L3MBTL4: variants seen among roughly 807,000 people sequenced by gnomAD.
L3MBTL4 encodes lethal(3)malignant brain tumor-like protein 4.
Under a neutral mutation model 84.5 loss-of-function variants are expected in L3MBTL4, and 70 were observed. That is an observed-to-expected ratio of 0.83 (90% CI 0.68 to 1.01). L3MBTL4 has a LOEUF of 1.01. Among genes scored for constraint, L3MBTL4 ranks in the 50% least tolerant of loss-of-function variants. L3MBTL4 has a pLI of 0.00. For missense variants in L3MBTL4, 715 were observed against 754.8 expected, an observed-to-expected ratio of 0.95 and a Z score of 0.62; for synonymous variants, 274 against 259.8, an observed-to-expected ratio of 1.05 and a Z score of -0.52.
intron 1 of L3MBTL4, among the ~76,000 whole-genome samples, chr18:6,345,072 T>A (rs8096953): frequency 4.6e-5 from 7 of 151,634 alleles, no homozygotes; most frequent in African/African-American, 7.3e-5. Context: ...ACATGTCTTA[T>A]ATATAGAAAA....
intron 16 of L3MBTL4, among the ~76,000 whole-genome samples, chr18:6,066,538 G>A (rs537009626): frequency 6.6e-6 from 1 of 152,208 alleles, no homozygotes. Context: ...GAGCTCTAGG[G>A]TTAGGTGCAT....
chr18:6,373,927 G>C (rs927468944), intron 1 of L3MBTL4, among the ~76,000 whole-genome samples: 3 of 152,056 alleles, frequency 2.0e-5, no homozygotes, highest in Non-Finnish European at 4.4e-5. Context: ...CTAAATTATT[G>C]GGGTTTTTTT....
chr18:6,126,193 T>C (rs1043591210), intron 14 of L3MBTL4, among the ~76,000 whole-genome samples: 1 of 152,216 alleles, frequency 6.6e-6, no homozygotes, highest in South Asian at 2.1e-4. Flanking sequence ...TATGGGACTA[T>C]AAGTGGTTTT....
chr18:6,156,795 G>C (rs2043123623), intron 13 of L3MBTL4, among the ~76,000 whole-genome samples: 1 of 152,178 alleles, frequency 6.6e-6, no homozygotes. Context: ...ACAGAGCTGT[G>C]CTTTATTTAA....
At chr18:6,002,562 C>A (rs759249096) in intron 16 of L3MBTL4, among the ~76,000 whole-genome samples, 1 of 151,962 alleles carries the variant, frequency 6.6e-6, no homozygotes, top group Non-Finnish European at 1.5e-5. Flanking sequence ...GAGAATGGAG[C>A]TATATAGGAG....
At chr18:6,384,072 T>C (rs1167960358) in intron 1 of L3MBTL4, among the ~76,000 whole-genome samples, 1 of 152,156 alleles carries the variant, frequency 6.6e-6, no homozygotes, top group Non-Finnish European at 1.5e-5. Context: ...TCCTTTGTAA[T>C]GGTGATGTTC....
At chr18:6,381,544 C>A (rs2054595426) in intron 1 of L3MBTL4, among the ~76,000 whole-genome samples, 2 of 152,212 alleles carry the variant, frequency 1.3e-5, no homozygotes, top group South Asian at 4.1e-4. Flanking sequence ...CAAAATCTCT[C>A]AGCATTTGCT....
intron 5 of L3MBTL4, among the ~76,000 whole-genome samples, chr18:6,249,210 G>A (rs2047818302): frequency 6.6e-6 from 1 of 152,012 alleles, no homozygotes; most frequent in Non-Finnish European, 1.5e-5. Context: ...TGCACACAAC[G>A]CTGACAAAAT....
intron 16 of L3MBTL4, among the ~76,000 whole-genome samples, chr18:6,051,718 T>G (rs1598571662): frequency 6.6e-6 from 1 of 152,116 alleles, no homozygotes; most frequent in Non-Finnish European, 1.5e-5. Flanking sequence ...CCTTCCTGTA[T>G]TTGTGGGACT....
chr18:6,185,575 C>A (rs2044687355), intron 12 of L3MBTL4, among the ~76,000 whole-genome samples: 1 of 152,096 alleles, frequency 6.6e-6, no homozygotes, highest in Non-Finnish European at 1.5e-5. Flanking sequence ...CCCAGTCCCA[C>A]CCCTCACCCT....
Position 6,127,318 on chromosome 18 carries a change from G to A in L3MBTL4, c.1199+10876C>T, listed in dbSNP as rs139565379. ...GAATTTTTTTAGCTCGTCAGCTGTC[G>A]TTAGTGGTAGTATATTTTGTGTGTG... On this transcript the variant is annotated intron_variant, in intron 14 of 18. Transcript: ENST00000317931. Among the ~76,000 whole-genome samples the A allele has an allele frequency of 1.1e-3, 174 of 152,246 alleles. 1 individual carries two copies. The highest frequency in any genetic ancestry group is 4.0e-3 in the African/African-American group (166 of 41,544).
At chr18:6,272,176 G>A (rs1294569453) in intron 4 of L3MBTL4, among the ~76,000 whole-genome samples, 1 of 152,232 alleles carries the variant, frequency 6.6e-6, no homozygotes, top group Non-Finnish European at 1.5e-5. Flanking sequence ...TAATCGACGG[G>A]AGAGAGAAGC....
At chr18:6,388,641 C>T (rs1001299343) in intron 1 of L3MBTL4, among the ~76,000 whole-genome samples, 2 of 152,116 alleles carry the variant, frequency 1.3e-5, no homozygotes, top group Non-Finnish European at 2.9e-5. Context: ...GGCAAGCATA[C>T]AATTATCTGG....
chr18:5,980,942 T>C (rs1475506617), intron 16 of L3MBTL4, among the ~76,000 whole-genome samples: 1 of 152,198 alleles, frequency 6.6e-6, no homozygotes, highest in Non-Finnish European at 1.5e-5. Context: ...CCAAGGCTAG[T>C]GAGGCGGAGG....
intron 1 of L3MBTL4, among the ~76,000 whole-genome samples, chr18:6,337,746 T>C (rs2052412015): frequency 6.6e-6 from 1 of 152,266 alleles, no homozygotes; most frequent in South Asian, 2.1e-4. Flanking sequence ...TTTACAGATA[T>C]ATGTTTAAGT....
At chr18:6,355,087 G>A (rs887240392) in intron 1 of L3MBTL4, among the ~76,000 whole-genome samples, 1 of 152,176 alleles carries the variant, frequency 6.6e-6, no homozygotes, top group African/African-American at 2.4e-5. Context: ...ATACACAGTG[G>A]AGTACTATTC....
chr18:6,335,183 T>C (rs1398427138), intron 1 of L3MBTL4, among the ~76,000 whole-genome samples: 1 of 152,150 alleles, frequency 6.6e-6, no homozygotes, highest in Non-Finnish European at 1.5e-5. Flanking sequence ...CTCCGTCTCC[T>C]GGGTTCAAGC....
Position 5,960,085 on chromosome 18 carries a change from A to T in L3MBTL4, c.1677+9T>A. The stretch of plus-strand genomic sequence containing the variant: ...ACATATATATATATATAATTTTTGC[A>T]TCTCTTACCTCTTTCTTAAAGCACT... On this transcript the variant is annotated intron_variant, in intron 18 of 18. Coordinates refer to ENST00000317931, the MANE Select transcript of L3MBTL4 (RefSeq NM_001330559.2). 1 of 1,254,662 alleles carries T rather than the reference A, an allele frequency of 8.0e-7. No homozygotes were observed. The highest frequency in any genetic ancestry group is 1.0e-6 in the Non-Finnish European group (1 of 953,820). The allele number at this position is 1,254,662 out of a possible 1,614,324, so 77.7% of individuals were successfully genotyped here.
chr18:6,040,726 C>A (rs2145709165), intron 16 of L3MBTL4, among the ~76,000 whole-genome samples: 1 of 152,222 alleles, frequency 6.6e-6, no homozygotes, highest in Admixed American at 6.5e-5. Flanking sequence ...AAAGAACCTA[C>A]ATTAGTCCTA....
Sources: gnomAD v4.1 joint callset for allele counts (sites outside exome capture counted in the v4.1 genomes callset) on GRCh38, gnomAD v4.1.1 for gene constraint, MANE v1.5 for transcripts, NCBI Gene and HGNC (gene_info 2026-07-23, HGNC 2026-07-21) for gene names.